Variants in RGS6 observed in about 807,000 individuals in gnomAD.
The protein encoded by RGS6 is regulator of G protein signaling 6.
A neutral mutation model predicts 78.5 loss-of-function variants in RGS6; 30 were observed. That is an observed-to-expected ratio of 0.38 (90% CI 0.29 to 0.52). RGS6 has a LOEUF of 0.52. Ranked by LOEUF, RGS6 falls within the 20% of genes least tolerant of loss-of-function variation. The pLI, the probability that RGS6 is intolerant of heterozygous loss-of-function variation, is 0.85. For synonymous variants in RGS6, 206 were observed against 206.0 expected (o/e 1.00, Z 0.00); for missense variants, 495 against 609.7 (o/e 0.81, Z 1.98).
chr14:72,297,895 CATGTTACATTGATGAATTCTTT>C (rs2065195919), intron 2 of RGS6, among the ~76,000 whole-genome samples: 1 of 151,812 alleles, frequency 6.6e-6, no homozygotes, highest in Non-Finnish European at 1.5e-5. Flanking sequence ...AGTATTTTAA[CATGTTACATTGATGAATTCTTT>C]ATGTAGAAGG....
chr14:72,336,675 G>A (rs1230005415), intron 2 of RGS6, among the ~76,000 whole-genome samples: 1 of 152,184 alleles, frequency 6.6e-6, no homozygotes, highest in African/African-American at 2.4e-5. Flanking sequence ...CATTTCAGGA[G>A]TACATTAGCT....
At chr14:72,518,213 C>A in intron 14 of RGS6, 138 bp from the exon 15 acceptor site, 1 of 707,630 alleles carries the variant, frequency 1.4e-6, no homozygotes, top group Non-Finnish European at 2.4e-6. Flanking sequence ...ATGGTCTTTG[C>A]AGCTCATGTA....
intron 2 of RGS6, among the ~76,000 whole-genome samples, chr14:72,279,480 G>T (rs140650886): frequency 1.3e-5 from 2 of 152,148 alleles, no homozygotes; most frequent in Admixed American, 6.5e-5. Context: ...CCATAAGAAG[G>T]TCTCTTTGGC....
At chr14:72,096,300 A>T (rs182784809) in intron 2 of RGS6, among the ~76,000 whole-genome samples, 1 of 152,036 alleles carries the variant, frequency 6.6e-6, no homozygotes. Context: ...AAAAGAAAAG[A>T]AAAACACACA....
intron 2 of RGS6, among the ~76,000 whole-genome samples, chr14:72,333,885 C>T (rs2075525227): frequency 6.6e-6 from 1 of 152,190 alleles, no homozygotes; most frequent in Admixed American, 6.5e-5. Flanking sequence ...ATACGCACAC[C>T]AGATTTCCAT....
intron 2 of RGS6, among the ~76,000 whole-genome samples, chr14:72,339,861 C>T (rs934917516): frequency 2.0e-5 from 3 of 152,140 alleles, no homozygotes; most frequent in African/African-American, 7.2e-5. Context: ...AGAGGTTTGT[C>T]CTGGGACCCC....
chr14:71,953,756 C>T (rs898561466), intron 1 of RGS6, among the ~76,000 whole-genome samples: 2 of 151,900 alleles, frequency 1.3e-5, no homozygotes, highest in African/African-American at 4.8e-5. Context: ...TTGTTTTTAC[C>T]TTTATTCCTT....
At chr14:71,991,719 G>A (rs115336157) in intron 2 of RGS6, among the ~76,000 whole-genome samples, 4,319 of 152,214 alleles carry the variant, frequency 0.028, 202 homozygotes, top group African/African-American at 0.097. Flanking sequence ...TACTGTACTT[G>A]CTGTTGGGAA....
At chr14:72,400,919 G>T (rs763859467) in intron 3 of RGS6, among the ~76,000 whole-genome samples, 78 of 145,130 alleles carry the variant, frequency 5.4e-4, no homozygotes, top group Middle Eastern at 6.8e-3. Flanking sequence ...GAGCCAGGTG[G>T]CAGGGCCAGG....
At chr14:72,505,831 C>T (rs996692029) in intron 13 of RGS6, among the ~76,000 whole-genome samples, 7 of 152,198 alleles carry the variant, frequency 4.6e-5, no homozygotes, top group African/African-American at 1.7e-4. Context: ...CCATGTGTAG[C>T]ACTATGAAGC....
intron 2 of RGS6, among the ~76,000 whole-genome samples, chr14:72,063,120 G>T (rs1468009154): frequency 6.6e-6 from 1 of 152,180 alleles, no homozygotes; most frequent in Admixed American, 6.5e-5. Context: ...ACCACGCCTG[G>T]CCTGGATGAA....
At position 72,538,026 on chromosome 14, in the gene RGS6, G is replaced by A. The variant is rs552374315; in HGVS notation, c.1368+1751G>A. 9.8e-5 allele frequency among the ~76,000 whole-genome samples: 15 copies of A among 152,328 alleles called. No homozygotes were observed. In the East Asian group the frequency reaches 1.3e-3, roughly 14 times the overall value. On this transcript the variant is annotated intron_variant, in intron 16 of 17. Coordinates refer to ENST00000553525, the MANE Select transcript of RGS6 (RefSeq NM_001204424.2). ...CCTTAGAGTTATCCTCCCAGCTCCC[G>A]AAGTAAGGGATGTTCTTGAGACAGA...
At chr14:72,150,902 C>A (rs1286697319) in intron 2 of RGS6, among the ~76,000 whole-genome samples, 1 of 152,088 alleles carries the variant, frequency 6.6e-6, no homozygotes, top group Non-Finnish European at 1.5e-5. Flanking sequence ...TGTTGGTTTG[C>A]CAGATGCCAA....
chr14:71,925,716 T>C, the RGS6 span, among the ~76,000 whole-genome samples: 1 of 147,664 alleles, frequency 6.8e-6, no homozygotes, highest in Non-Finnish European at 1.5e-5. Context: ...TGACTTCATA[T>C]TATATTATAT....
At chr14:71,991,081 A>G (rs1043820014) in intron 2 of RGS6, among the ~76,000 whole-genome samples, 18 of 152,240 alleles carry the variant, frequency 1.2e-4, no homozygotes, top group Non-Finnish European at 1.5e-5. Context: ...CTTGGCACCA[A>G]GTAGGTGATA....
intron 2 of RGS6, among the ~76,000 whole-genome samples, chr14:72,280,138 G>T (rs1446890414): frequency 2.0e-5 from 3 of 151,894 alleles, no homozygotes; most frequent in African/African-American, 7.3e-5. Context: ...AAACTCTAAA[G>T]GTATTTACCT....
chr14:72,411,573 G>A (rs1458046681), intron 3 of RGS6, among the ~76,000 whole-genome samples: 3 of 152,094 alleles, frequency 2.0e-5, no homozygotes, highest in South Asian at 2.1e-4. Context: ...TCTCCTGCCT[G>A]ATTGCCCTGG....
intron 3 of RGS6, among the ~76,000 whole-genome samples, chr14:72,388,722 G>A (rs769892422): frequency 4.3e-4 from 66 of 152,228 alleles, no homozygotes; most frequent in Non-Finnish European, 7.9e-4. Context: ...CTCTGAAGCC[G>A]CACTCTCTGG....
the RGS6 span, among the ~76,000 whole-genome samples, chr14:71,897,374 T>G: frequency 6.6e-6 from 1 of 152,222 alleles, no homozygotes; most frequent in Non-Finnish European, 1.5e-5. Flanking sequence ...TTATATTTAC[T>G]TCCCTACTTA....
Sources: allele counts gnomAD v4.1 joint callset (sites outside exome capture counted in the v4.1 genomes callset), GRCh38; gene constraint gnomAD v4.1.1; transcripts MANE v1.5; gene names NCBI Gene and HGNC (gene_info 2026-07-23, HGNC 2026-07-21).